Variants in STARD10 observed in about 807,000 individuals in gnomAD.
STARD10 encodes StAR related lipid transfer domain containing 10.
In STARD10, 24 loss-of-function variants were observed where a neutral mutation model predicts 36.0. The ratio of observed to expected loss-of-function variants is 0.67; its 90% CI spans 0.48 to 0.94. STARD10 has a LOEUF of 0.94. Ranked by LOEUF, STARD10 falls within the 40% of genes least tolerant of loss-of-function variation. The probability of loss-of-function intolerance (pLI) is 0.00; values close to 1 mark genes in which losing one functional copy is unlikely to be tolerated. For synonymous variants in STARD10, 156 were observed against 161.9 expected, an observed-to-expected ratio of 0.96 and a Z score of 0.28; for missense variants, 335 against 396.6, an observed-to-expected ratio of 0.84 and a Z score of 1.32.
In STARD10 at chr11:72,754,817, G is replaced by A; in HGVS notation, c.*80C>T. Reference sequence around the variant, plus strand: ...GCCCGGTGCCACCAGGTGCCGGGTGGGGGAGGGGAGAAAGTGCAGGAGCGG... The same window carrying A: ...GCCCGGTGCCACCAGGTGCCGGGTGAGGGAGGGGAGAAAGTGCAGGAGCGG... On this transcript the variant is annotated 3_prime_UTR_variant, in exon 7 of 7. Transcript: ENST00000334805. 2 of 1,535,936 alleles carry A rather than the reference G, an allele frequency of 1.3e-6. No individual in the cohort carries two copies. The highest frequency in any genetic ancestry group is 1.7e-6 in the Non-Finnish European group (2 of 1,146,610).
At position 72,793,856 on chromosome 11, in the gene STARD10, A is replaced by G. The variant is rs1386070290; in HGVS notation, c.-1095T>C. The G allele has an allele frequency of 2.6e-5, 4 of 152,182 alleles. No homozygotes were observed. The highest frequency in any genetic ancestry group is 5.9e-5 in the Non-Finnish European group (4 of 68,024). The allele number at this position is 152,182 out of a possible 1,614,324, so 9.4% of individuals were successfully genotyped here. A position where few individuals can be genotyped will look rare whatever the true frequency, so the allele number is the denominator to read the frequency against. ...TAGTGGTTGTGGCCGCTCTGTCACC[A>G]CGGCTCCCGGGGCCTCTGTCGGCTC... On this transcript the variant is annotated 5_prime_UTR_variant, in exon 1 of 7. Transcript: ENST00000334805.
chr11:72,773,617 G>T (rs1223917326), intron 2 of STARD10, among the ~76,000 whole-genome samples: 1 of 152,192 alleles, frequency 6.6e-6, no homozygotes, highest in Non-Finnish European at 1.5e-5. Flanking sequence ...GCTGTCACGT[G>T]GGTAGGAAGG....
intron 1 of STARD10, among the ~76,000 whole-genome samples, chr11:72,787,809 G>A (rs1859093219): frequency 6.6e-6 from 1 of 152,208 alleles, no homozygotes; most frequent in African/African-American, 2.4e-5. Context: ...CACCAAGGTG[G>A]GCAAGAACTC....
rs78831603 is a variant in STARD10 at position 72,759,716 on chromosome 11, G to C, written c.208-335C>G. Among the ~76,000 whole-genome samples the C allele has an allele frequency of 1.8e-4, 28 of 152,232 alleles. No individual in the cohort carries two copies. In the East Asian group the frequency reaches 5.2e-3, roughly 28 times the overall value. On this transcript the variant is annotated intron_variant, in intron 2 of 6. Coordinates refer to ENST00000334805, the MANE Select transcript of STARD10 (RefSeq NM_006645.3). ...CCTCCCAGACCCCTGTGAGCTCCTC[G>C]TGGGCAGAGGCTCATGGTTGCTTCA...
intron 2 of STARD10, among the ~76,000 whole-genome samples, chr11:72,763,022 G>A (rs973569945): frequency 1.3e-5 from 2 of 152,138 alleles, no homozygotes; most frequent in Admixed American, 1.3e-4. Context: ...AGAGATTTTG[G>A]ACACCGGAAC....
At chr11:72,792,719 A>G (rs1362901719) in intron 1 of STARD10, among the ~76,000 whole-genome samples, 156 bp downstream of exon 1, 1 of 152,064 alleles carries the variant, frequency 6.6e-6, no homozygotes, top group African/African-American at 2.4e-5. Context: ...CTCCAGCTCC[A>G]CTGCCCCCAG....
At position 72,754,751 on chromosome 11, in the gene STARD10, G is replaced by T; in HGVS notation, c.*146C>A. ...GGCTGAGGCTGTGGGATCGTTTATT[G>T]GGGCTCTGTCCAGCCAGGCTGCAGC... On this transcript the variant is annotated 3_prime_UTR_variant, in exon 7 of 7. Coordinates refer to ENST00000334805, the MANE Select transcript of STARD10 (RefSeq NM_006645.3). 1 of 1,243,810 alleles carries T rather than the reference G, an allele frequency of 8.0e-7. No homozygotes were observed. The highest frequency in any genetic ancestry group is 1.1e-6 in the Non-Finnish European group (1 of 886,416). 77.0% of individuals were successfully genotyped at this position (1,243,810 alleles called of 1,614,324 possible).
chr11:72,768,450 G>C (rs1289665632), intron 2 of STARD10, among the ~76,000 whole-genome samples: 1 of 149,130 alleles, frequency 6.7e-6, no homozygotes, highest in East Asian at 2.0e-4. Context: ...CACTCCCCCC[G>C]CCCCCCAAAA....
At chr11:72,790,371 C>T (rs1859126666) in intron 1 of STARD10, 1 of 152,224 alleles carries the variant, frequency 6.6e-6, no homozygotes, top group Admixed American at 6.5e-5. Flanking sequence ...TCTGGCCTCT[C>T]TGGGATTCTC....
chr11:72,759,543 C>T (rs1488177265), intron 2 of STARD10, among the ~76,000 whole-genome samples, 162 bp from the exon 3 acceptor site: 4 of 152,164 alleles, frequency 2.6e-5, no homozygotes, highest in Non-Finnish European at 5.9e-5. Flanking sequence ...AAGCCCTGTC[C>T]AGCTCCCCAA....
chr11:72,793,511 CT>C lies in STARD10; in HGVS notation c.-751del, dbSNP rs1859175252. 1 of 152,278 alleles carries C rather than the reference CT, an allele frequency of 6.6e-6. No individual in the cohort carries two copies. The highest frequency in any genetic ancestry group is 1.5e-5 in the Non-Finnish European group (1 of 68,068). 9.4% of individuals were successfully genotyped at this position (152,278 alleles called of 1,614,324 possible). ...TCTATGATGCTGGAAATCTGCCTGA[CT>C]TCCTCTAACCTGTTGTCCCATTTGT... is the stretch of plus-strand genomic sequence containing the variant. On this transcript the variant is annotated 5_prime_UTR_variant, in exon 1 of 7. It removes the in-frame stop codon of an upstream open reading frame in the 5' UTR. Transcript: ENST00000334805.
At chr11:72,772,585 G>A (rs1187173295) in intron 2 of STARD10, among the ~76,000 whole-genome samples, 1 of 152,124 alleles carries the variant, frequency 6.6e-6, no homozygotes, top group Non-Finnish European at 1.5e-5. Flanking sequence ...GTCCTCTGTG[G>A]CCAGGGAGCT....
chr11:72,792,092 C>T (rs1213750272), intron 1 of STARD10, among the ~76,000 whole-genome samples: 2 of 136,292 alleles, frequency 1.5e-5, no homozygotes, highest in African/African-American at 5.6e-5. Flanking sequence ...CTCTGTCAGC[C>T]AGGCTGGAGT....
intron 3 of STARD10, among the ~76,000 whole-genome samples, chr11:72,758,951 G>A (rs1208691111): frequency 1.3e-5 from 2 of 152,224 alleles, no homozygotes; most frequent in African/African-American, 4.8e-5. Flanking sequence ...TGTGTGCCTG[G>A]GACTATGTGG....
rs1591270995 is a variant in STARD10, at chr11:72,781,538, A to C, written c.-113-244T>G. ...CGTCGGGACCCAGGGACTGGCCGGG[A>C]CCCGAGGGGAGGGACGGTGCGGCGG... is the stretch of plus-strand genomic sequence containing the variant. On this transcript the variant is annotated intron_variant, in intron 1 of 6. Coordinates refer to ENST00000334805, the MANE Select transcript of STARD10 (RefSeq NM_006645.3). The surrounding 1 kb of genome is among the most constrained non-coding windows in gnomAD (Gnocchi z 4.7). 5.5e-6 allele frequency: 1 copy of C among 182,678 alleles called. No homozygotes were observed. The highest frequency in any genetic ancestry group is 1.1e-5 in the Non-Finnish European group (1 of 91,248). The allele number at this position is 182,678 out of a possible 1,614,324, so 11.3% of individuals were successfully genotyped here. A position where few individuals can be genotyped will look rare whatever the true frequency, so the allele number is the denominator to read the frequency against.
chr11:72,786,071 G>C (rs1859067127), intron 1 of STARD10: 1 of 152,674 alleles, frequency 6.5e-6, no homozygotes, highest in Non-Finnish European at 1.5e-5. Flanking sequence ...GGTGCAGCAG[G>C]CCGGGCGCGG....
chr11:72,768,310 G>A (rs984879435), intron 2 of STARD10, among the ~76,000 whole-genome samples: 6 of 152,112 alleles, frequency 3.9e-5, no homozygotes, highest in Admixed American at 3.9e-4. Context: ...GCTGGCTTCA[G>A]GGCCCTCCAC....
chr11:72,758,493 T>A, intron 4 of STARD10, 37 bp downstream of exon 4: 3 of 1,564,766 alleles, frequency 1.9e-6, no homozygotes, highest in Non-Finnish European at 2.6e-6. Flanking sequence ...CCTGACCCTC[T>A]CCCCTGCTCC....
chr11:72,780,595 A>C, intron 2 of STARD10: 1 of 363,784 alleles, frequency 2.7e-6, no homozygotes, highest in Non-Finnish European at 5.4e-6. Flanking sequence ...CAGGGAGAGA[A>C]GGGCCCAGTC....
Sources: gnomAD v4.1 joint callset for allele counts (sites outside exome capture counted in the v4.1 genomes callset) on GRCh38, gnomAD v4.1.1 for gene constraint, Gnocchi (gnomAD v3.1) non-coding constraint, MANE v1.5 for transcripts, NCBI Gene and HGNC (gene_info 2026-07-23, HGNC 2026-07-21) for gene names.